The following RC3H2 variants were observed in gnomAD, a reference collection of about 807,000 sequenced individuals.
RC3H2 encodes roquin-2.
In RC3H2, 31 loss-of-function variants were observed where a neutral mutation model predicts 133.3. The observed-to-expected ratio is 0.23, with a 90% CI of 0.17 to 0.31. RC3H2 has a LOEUF of 0.31. Among genes scored for constraint, RC3H2 ranks in the 10% least tolerant of loss-of-function variants. RC3H2 has a pLI of 1.00. For missense variants in RC3H2, 1,175 were observed against 1,437.2 expected (o/e 0.82, Z 2.95); for synonymous variants, 517 against 502.2 (o/e 1.03, Z -0.40).
Position 122,859,540 on chromosome 9 carries a change from G to A in RC3H2, c.1849+377C>T, listed in dbSNP as rs552356312. Among the ~76,000 whole-genome samples, 84 of 152,286 alleles carry A rather than the reference G, an allele frequency of 5.5e-4. No homozygotes were observed. The South Asian group carries it at 0.016, about 30-fold the overall frequency. ...ATCTATTGCCACTGGTTTTGGATTA[G>A]TCAGTTATATCATTGATTTTTATTA... On this transcript the variant is annotated intron_variant, in intron 11 of 20. Transcript: ENST00000357244.
chr9:122,866,133 A>T (rs1588068761), intron 9 of RC3H2, among the ~76,000 whole-genome samples: 3 of 152,186 alleles, frequency 2.0e-5, no homozygotes, highest in South Asian at 4.1e-4. Context: ...TATATAATTT[A>T]AAAAAATAAT....
chr9:122,853,754 CA>C, intron 18 of RC3H2, 197 bp downstream of exon 18: 2 of 1,403,494 alleles, frequency 1.4e-6, no homozygotes, highest in South Asian at 3.0e-5. Flanking sequence ...CTCAAAAAAA[CA>C]AAAATCCCGA....
intron 9 of RC3H2, among the ~76,000 whole-genome samples, chr9:122,869,641 C>T (rs1488867463): frequency 6.7e-6 from 1 of 149,024 alleles, no homozygotes; most frequent in Non-Finnish European, 1.5e-5. Context: ...CAGCTCACTG[C>T]AACCTCTGCT....
chr9:122,863,684 G>A (rs1830539017), intron 10 of RC3H2, among the ~76,000 whole-genome samples: 1 of 152,012 alleles, frequency 6.6e-6, no homozygotes, highest in Non-Finnish European at 1.5e-5. Context: ...TTGTTAACTA[G>A]ACCATGTTCT....
At chr9:122,877,714 A>C in intron 8 of RC3H2, 131 bp from the exon 9 acceptor site, 1 of 684,190 alleles carries the variant, frequency 1.5e-6, no homozygotes, top group South Asian at 1.8e-5. Context: ...TCTTGTGCTG[A>C]AACAACTAAT....
At position 122,847,993 on chromosome 9, in the gene RC3H2, C is replaced by A. The variant is rs1829904750; in HGVS notation, c.*1634G>T. On this transcript the variant is annotated 3_prime_UTR_variant, in exon 21 of 21. Coordinates refer to ENST00000357244, the MANE Select transcript of RC3H2 (RefSeq NM_001100588.3). ...AACACCAGTATTTACTCATTCTAAT[C>A]AAGAAATTTCAGGGAAATGTCAACC... 1 of 152,126 alleles carries A rather than the reference C, an allele frequency of 6.6e-6. No homozygotes were observed. Among genetic ancestry groups the A allele is most frequent in the Admixed American group, 6.5e-5 (1 of 15,278 alleles). 9.4% of individuals were successfully genotyped at this position (152,126 alleles called of 1,614,324 possible). A position where few individuals can be genotyped will look rare whatever the true frequency, so the allele number is the denominator to read the frequency against.
chr9:122,852,113 C>A (rs1486688791), intron 18 of RC3H2, among the ~76,000 whole-genome samples: 2 of 149,884 alleles, frequency 1.3e-5, no homozygotes, highest in Non-Finnish European at 3.0e-5. Flanking sequence ...CCCGGCCGCC[C>A]GTCGTCTGGG....
At chr9:122,873,111 A>G (rs1831170403) in intron 9 of RC3H2, among the ~76,000 whole-genome samples, 1 of 152,222 alleles carries the variant, frequency 6.6e-6, no homozygotes. Context: ...TAGAGAAAGA[A>G]AATATAGGTA....
intron 3 of RC3H2, among the ~76,000 whole-genome samples, chr9:122,891,060 C>G (rs1048387031): frequency 2.0e-5 from 3 of 148,322 alleles, no homozygotes; most frequent in Non-Finnish European, 4.5e-5. Flanking sequence ...CACTCTGTCG[C>G]CCAGGCTGGA....
In RC3H2 at chr9:122,853,947, T is replaced by C. The variant is rs566130895; in HGVS notation, c.3117+5A>G. ...GCATGAAGCCGAAAGGTTCAGTTTC[T>C]TTACCTCTCCATTTCTTAGTTCAAT... On this transcript the variant is annotated splice_donor_5th_base_variant and intron_variant, in intron 18 of 20. Coordinates refer to ENST00000357244, the MANE Select transcript of RC3H2 (RefSeq NM_001100588.3). The C allele has an allele frequency of 1.3e-4, 203 of 1,614,222 alleles. 1 individual carries two copies. In the South Asian group the frequency reaches 2.1e-3, roughly 17 times the overall value.
chr9:122,863,021 C>A (rs1248929448), intron 10 of RC3H2, among the ~76,000 whole-genome samples: 3 of 152,026 alleles, frequency 2.0e-5, no homozygotes, highest in African/African-American at 7.2e-5. Context: ...ATTATCACCA[C>A]TAATTCTGAA....
rs143466192 is a variant in RC3H2, at chr9:122,878,037, G to C, written c.1213-454C>G. On this transcript the variant is annotated intron_variant, in intron 8 of 20. Coordinates refer to ENST00000357244, the MANE Select transcript of RC3H2 (RefSeq NM_001100588.3). ...CCAATTCACTTGTCAGCTTGAGGGT[G>C]CAACTCTCAGGCTTAAACTATTTGA... Among the ~76,000 whole-genome samples, 298 of 152,188 alleles carry C rather than the reference G, an allele frequency of 2.0e-3. 3 individuals are homozygous for C. Among genetic ancestry groups the C allele is most frequent in the African/African-American group, 6.9e-3 (287 of 41,530 alleles).
intron 1 of RC3H2, among the ~76,000 whole-genome samples, chr9:122,904,878 G>A (rs1832780398): frequency 6.6e-6 from 1 of 152,222 alleles, no homozygotes; most frequent in African/African-American, 2.4e-5. Context: ...GTCGAAGGAA[G>A]GTGGCCATTT....
At position 122,880,705 on chromosome 9, in the gene RC3H2, T is replaced by C; in HGVS notation, c.849A>G (p.Gln283=). The change falls in exon 6 of 21, where the codon CAA becomes CAG. Residue 283 remains glutamine (Q), a synonymous_variant. Coordinates refer to ENST00000357244, the MANE Select transcript of RC3H2 (RefSeq NM_001100588.3). ...CTGCTTCCATGGCAATATGAACAAT[T>C]TGGGCATCATGTTCTCTGCGTAATG... is the stretch of plus-strand genomic sequence containing the variant. ...YEALRREHDA[Q]IVHIAMEAGL... The C allele has an allele frequency of 6.2e-7, 1 of 1,614,028 alleles. No homozygotes were observed. The highest frequency in any genetic ancestry group is 1.1e-5 in the South Asian group (1 of 91,080).
intron 4 of RC3H2, among the ~76,000 whole-genome samples, chr9:122,887,469 T>G (rs1831966143): frequency 6.6e-6 from 1 of 152,022 alleles, no homozygotes; most frequent in Non-Finnish European, 1.5e-5. Context: ...TAAGCTTTTT[T>G]GCTTCCCTGC....
At chr9:122,856,597 G>T (rs549804932) in intron 13 of RC3H2, among the ~76,000 whole-genome samples, 2 of 152,164 alleles carry the variant, frequency 1.3e-5, no homozygotes, top group East Asian at 3.9e-4. Context: ...TGCAAATAAG[G>T]GAATATAACT....
intron 18 of RC3H2, among the ~76,000 whole-genome samples, chr9:122,852,571 G>T (rs1038696886): frequency 6.6e-6 from 1 of 150,798 alleles, no homozygotes; most frequent in African/African-American, 2.4e-5. Context: ...CGCCCCGTCC[G>T]GGAGGGAGGT....
chr9:122,878,871 T>C (rs1370320496), intron 8 of RC3H2, among the ~76,000 whole-genome samples: 2 of 150,706 alleles, frequency 1.3e-5, no homozygotes, highest in Admixed American at 6.6e-5. Context: ...GACTCAGCCG[T>C]CTCAGTAGTT....
At chr9:122,869,677 C>T (rs1830977516) in intron 9 of RC3H2, among the ~76,000 whole-genome samples, 1 of 151,542 alleles carries the variant, frequency 6.6e-6, no homozygotes, top group African/African-American at 2.4e-5. Flanking sequence ...ATTCTCCTGC[C>T]TCAGCCTCTG....
Sources: allele counts gnomAD v4.1 joint callset (sites outside exome capture counted in the v4.1 genomes callset), GRCh38; gene constraint gnomAD v4.1.1; transcripts MANE v1.5; gene names NCBI Gene and HGNC (gene_info 2026-07-23, HGNC 2026-07-21).